CTNNA2: variants seen among roughly 807,000 people sequenced by gnomAD.
CTNNA2 encodes the protein catenin alpha 2.
In CTNNA2, 42 loss-of-function variants were observed where a neutral mutation model predicts 101.0. The ratio of observed to expected loss-of-function variants is 0.42; its 90% confidence interval spans 0.32 to 0.54. The LOEUF (loss-of-function observed/expected upper bound fraction) is 0.54, where lower values mean the gene tolerates loss of function less well. Among genes scored for constraint, CTNNA2 ranks in the 20% least tolerant of loss-of-function variants. CTNNA2 has a pLI of 0.14. For missense variants in CTNNA2, 871 were observed against 1,223.1 expected (o/e 0.71, Z 4.29); for synonymous variants, 450 against 456.4 (o/e 0.99, Z 0.18).
intron 15 of CTNNA2, among the ~76,000 whole-genome samples, chr2:80,595,547 C>G (rs972379745): frequency 6.6e-6 from 1 of 152,118 alleles, no homozygotes; most frequent in Non-Finnish European, 1.5e-5. Context: ...TTGCTTTGAT[C>G]CTGGTCTTAG....
At chr2:80,557,375 A>G (rs1192341000) in intron 12 of CTNNA2, among the ~76,000 whole-genome samples, 1 of 152,174 alleles carries the variant, frequency 6.6e-6, no homozygotes, top group East Asian at 1.9e-4. Flanking sequence ...TCTCCAAATT[A>G]AGGACTTTTT....
intron 3 of CTNNA2, among the ~76,000 whole-genome samples, chr2:79,810,726 G>A (rs1401575290): frequency 6.6e-6 from 1 of 150,654 alleles, no homozygotes; most frequent in Admixed American, 6.6e-5. Flanking sequence ...CCTTTCCTGT[G>A]TCCATGTGTT....
chr2:79,405,634 T>G (rs2104485008), intron 4 of CTNNA2, among the ~76,000 whole-genome samples: 1 of 152,102 alleles, frequency 6.6e-6, no homozygotes, highest in Non-Finnish European at 1.5e-5. Context: ...CTTGTTATTG[T>G]TTTTTTCCCC....
At chr2:79,316,847 T>A (rs1676509162) in intron 3 of CTNNA2, among the ~76,000 whole-genome samples, 1 of 151,954 alleles carries the variant, frequency 6.6e-6, no homozygotes, top group Non-Finnish European at 1.5e-5. Flanking sequence ...ATGTCACCTG[T>A]ATATACAGAC....
chr2:79,914,640 A>G (rs1686060259), intron 7 of CTNNA2, among the ~76,000 whole-genome samples: 2 of 152,190 alleles, frequency 1.3e-5, no homozygotes, highest in Admixed American at 1.3e-4. Flanking sequence ...TCATGCAGTT[A>G]AACTATTTTC....
At chr2:79,649,916 T>C (rs1367242877) in intron 1 of CTNNA2, among the ~76,000 whole-genome samples, 1 of 152,174 alleles carries the variant, frequency 6.6e-6, no homozygotes, top group Non-Finnish European at 1.5e-5. Flanking sequence ...TAGTGCCTAT[T>C]GTGATAGGCC....
intron 9 of CTNNA2, among the ~76,000 whole-genome samples, chr2:80,463,415 G>A (rs925319110): frequency 2.0e-5 from 3 of 152,142 alleles, no homozygotes; most frequent in African/African-American, 7.2e-5. Flanking sequence ...GATTAATTGA[G>A]GTAGGGATTG....
intron 4 of CTNNA2, among the ~76,000 whole-genome samples, chr2:79,859,806 T>C (rs1681446405): frequency 6.6e-6 from 1 of 152,108 alleles, no homozygotes; most frequent in African/African-American, 2.4e-5. Context: ...TCAGAGTAAC[T>C]GGGTTTCATC....
intron 1 of CTNNA2, among the ~76,000 whole-genome samples, chr2:79,647,151 A>G (rs561703457): frequency 1.3e-5 from 2 of 152,318 alleles, no homozygotes; most frequent in African/African-American, 2.4e-5. Flanking sequence ...AGAAAGATGA[A>G]GGGCTCGTGA....
intron 2 of CTNNA2, among the ~76,000 whole-genome samples, chr2:79,705,582 A>G (rs1685301988): frequency 6.6e-6 from 1 of 152,190 alleles, no homozygotes; most frequent in Admixed American, 6.5e-5. Flanking sequence ...TGATAGGGAA[A>G]CTAGACAATG....
intron 2 of CTNNA2, among the ~76,000 whole-genome samples, chr2:79,665,613 A>G (rs995867267): frequency 6.6e-5 from 10 of 152,194 alleles, no homozygotes; most frequent in African/African-American, 2.4e-4. Flanking sequence ...GGAGCAATAG[A>G]AAATTATACT....
At chr2:79,676,182 T>C (rs1683172480) in intron 2 of CTNNA2, among the ~76,000 whole-genome samples, 1 of 152,220 alleles carries the variant, frequency 6.6e-6, no homozygotes, top group Non-Finnish European at 1.5e-5. Context: ...AGAGAAGATA[T>C]TTTAAATAAA....
At chr2:79,324,103 C>T (rs145693697) in intron 3 of CTNNA2, among the ~76,000 whole-genome samples, 66 of 152,298 alleles carry the variant, frequency 4.3e-4, no homozygotes, top group African/African-American at 1.6e-3. Context: ...CCCTCTTAAA[C>T]AGTGTCCTGC....
At chr2:79,810,427 C>G (rs1206240830) in intron 3 of CTNNA2, among the ~76,000 whole-genome samples, 1 of 152,008 alleles carries the variant, frequency 6.6e-6, no homozygotes, top group Non-Finnish European at 1.5e-5. Flanking sequence ...CCCCCTGGGT[C>G]CCTCCCACAA....
At chr2:79,765,736 C>T (rs968474644) in intron 3 of CTNNA2, among the ~76,000 whole-genome samples, 1 of 152,184 alleles carries the variant, frequency 6.6e-6, no homozygotes, top group Non-Finnish European at 1.5e-5. Flanking sequence ...TTAAAGGCTA[C>T]CTCCAGAAAG....
intron 6 of CTNNA2, among the ~76,000 whole-genome samples, chr2:79,887,078 A>G (rs774000398): frequency 6.6e-6 from 1 of 152,040 alleles, no homozygotes; most frequent in African/African-American, 2.4e-5. Context: ...CAGCTTCCCA[A>G]AATGCTGGGA....
intron 4 of CTNNA2, among the ~76,000 whole-genome samples, chr2:79,402,569 T>A (rs1678301446): frequency 6.6e-6 from 1 of 151,788 alleles, no homozygotes; most frequent in African/African-American, 2.4e-5. Context: ...GTAGTAAAAG[T>A]TATATAAATA....
At chr2:80,248,575 T>A (rs917033829) in intron 7 of CTNNA2, among the ~76,000 whole-genome samples, 5 of 152,216 alleles carry the variant, frequency 3.3e-5, no homozygotes, top group Non-Finnish European at 5.9e-5. Context: ...AGCCACTTTG[T>A]AGCCCAGTTT....
chr2:79,397,706 C>T (rs994272218), intron 4 of CTNNA2, among the ~76,000 whole-genome samples: 34 of 151,812 alleles, frequency 2.2e-4, no homozygotes, highest in Non-Finnish European at 2.9e-5. Flanking sequence ...CTTTGTTGTC[C>T]AGTCTGGAGT....
Sources: allele counts gnomAD v4.1 joint callset (sites outside exome capture counted in the v4.1 genomes callset), GRCh38; gene constraint gnomAD v4.1.1; transcripts MANE v1.5; gene names NCBI Gene and HGNC (gene_info 2026-07-23, HGNC 2026-07-21).